The following GRIK1 variants were observed in gnomAD, a reference collection of about 807,000 sequenced individuals.
GRIK1 encodes glutamate receptor ionotropic, kainate 1.
In GRIK1, 69 loss-of-function variants were observed where a neutral mutation model predicts 105.7. That is an observed-to-expected ratio of 0.65 (90% CI 0.54 to 0.80). GRIK1 has a LOEUF of 0.80. Among genes scored for constraint, GRIK1 ranks in the 30% least tolerant of loss-of-function variants. GRIK1 has a pLI of 0.00. For synonymous variants in GRIK1, 438 were observed against 431.3 expected (o/e 1.02, Z -0.19); for missense variants, 1,109 against 1,167.3 (o/e 0.95, Z 0.73).
intron 1 of GRIK1, among the ~76,000 whole-genome samples, chr21:29,723,126 G>C (rs1285934568): frequency 3.9e-5 from 6 of 152,164 alleles, no homozygotes; most frequent in Non-Finnish European, 7.4e-5. Flanking sequence ...ACCAGCCTGG[G>C]CAACACAGGG....
At chr21:29,544,485 C>CT (rs753549542) in intron 16 of GRIK1, among the ~76,000 whole-genome samples, 27 of 152,104 alleles carry the variant, frequency 1.8e-4, no homozygotes, top group Non-Finnish European at 3.5e-4. Context: ...ACTCTGTGTG[C>CT]TTTTTTCCAG....
chr21:29,848,047 AG>A (rs201782604), intron 1 of GRIK1, among the ~76,000 whole-genome samples: 1,982 of 140,596 alleles, frequency 0.014, 39 homozygotes, highest in African/African-American at 0.047. Context: ...GTTAAACGTA[AG>A]TTATTATTAT....
At chr21:29,660,706 C>G (rs1417189887) in intron 4 of GRIK1, among the ~76,000 whole-genome samples, 1 of 152,142 alleles carries the variant, frequency 6.6e-6, no homozygotes, top group Non-Finnish European at 1.5e-5. Flanking sequence ...AAATAGGTAT[C>G]TTGGAAGTTT....
chr21:29,857,955 G>A lies in GRIK1; in HGVS notation c.118+81428C>T, dbSNP rs138235156. Among the ~76,000 whole-genome samples, 214 of 152,130 alleles carry A rather than the reference G, an allele frequency of 1.4e-3. 1 individual carries two copies. The highest frequency in any genetic ancestry group is 5.1e-3 in the African/African-American group (210 of 41,508). On this transcript the variant is annotated intron_variant, in intron 1 of 17. Coordinates refer to ENST00000327783, the MANE Select transcript of GRIK1 (RefSeq NM_001330994.2). ...TGCTCTGTTGCCCAGTCTGGAGTGC[G>A]GTGTCACGATCTTGGCTCACTGCAG...
intron 14 of GRIK1, 86 bp from the exon 15 acceptor site, chr21:29,561,935 A>G: frequency 1.4e-6 from 1 of 737,446 alleles, no homozygotes; most frequent in Non-Finnish European, 2.4e-6. Context: ...TGGTTCAAAT[A>G]ATGATAGGGA....
chr21:29,626,126 G>T (rs1243019213), intron 7 of GRIK1, among the ~76,000 whole-genome samples: 2 of 152,122 alleles, frequency 1.3e-5, no homozygotes, highest in African/African-American at 4.8e-5. Flanking sequence ...TTTATCACAG[G>T]CTTGGAGGCT....
chr21:29,558,074 T>C (rs2090300558), intron 15 of GRIK1, among the ~76,000 whole-genome samples: 1 of 152,162 alleles, frequency 6.6e-6, no homozygotes, highest in African/African-American at 2.4e-5. Context: ...TTAAATGCTC[T>C]TATTCTCTCA....
Position 29,739,505 on chromosome 21 carries a change from C to T in GRIK1, c.119-45442G>A, listed in dbSNP as rs140875797. ...AAAGGCAGTGTAGAATTGAAGAAGT[C>T]TAGGGAGAGATAAGACCAAGCCAGG... On this transcript the variant is annotated intron_variant, in intron 1 of 17. Coordinates refer to ENST00000327783, the MANE Select transcript of GRIK1 (RefSeq NM_001330994.2). Among the ~76,000 whole-genome samples, 84 of 152,214 alleles carry T rather than the reference C, an allele frequency of 5.5e-4. 1 individual carries two copies. The East Asian group carries it at 9.9e-3, about 18-fold the overall frequency.
chr21:29,873,328 C>A (rs575062961), intron 1 of GRIK1, among the ~76,000 whole-genome samples: 5 of 152,262 alleles, frequency 3.3e-5, no homozygotes, highest in Non-Finnish European at 5.9e-5. Flanking sequence ...TCCTGGAACC[C>A]CACATAAAAG....
At chr21:29,916,298 C>T (rs457872) in intron 1 of GRIK1, among the ~76,000 whole-genome samples, 35,260 of 151,510 alleles carry the variant, frequency 0.23, 4,845 homozygotes, top group African/African-American at 0.38. Flanking sequence ...CACCCCTGGG[C>T]ACAGAATAGA....
intron 1 of GRIK1, among the ~76,000 whole-genome samples, chr21:29,854,143 G>T (rs1177771665): frequency 6.6e-6 from 1 of 152,164 alleles, no homozygotes; most frequent in Non-Finnish European, 1.5e-5. Flanking sequence ...GTCTCAGGGA[G>T]CTTCCACTTG....
intron 1 of GRIK1, among the ~76,000 whole-genome samples, chr21:29,871,543 G>T (rs574980285): frequency 1.3e-5 from 2 of 152,182 alleles, no homozygotes; most frequent in South Asian, 4.1e-4. Flanking sequence ...GAAAGATCTG[G>T]TCTCTACCAC....
At chr21:29,919,474 C>T (rs1177648408) in intron 1 of GRIK1, among the ~76,000 whole-genome samples, 12 of 152,156 alleles carry the variant, frequency 7.9e-5, no homozygotes, top group Non-Finnish European at 1.5e-4. Flanking sequence ...GAGTGAATCT[C>T]AGGGCGGTTC....
At chr21:29,896,822 G>T (rs1052881813) in intron 1 of GRIK1, among the ~76,000 whole-genome samples, 1 of 152,170 alleles carries the variant, frequency 6.6e-6, no homozygotes, top group African/African-American at 2.4e-5. Context: ...CTGGAGAGAG[G>T]CTGGAAGCAG....
intron 1 of GRIK1, among the ~76,000 whole-genome samples, chr21:29,875,730 T>C (rs1171979360): frequency 6.6e-6 from 1 of 152,220 alleles, no homozygotes; most frequent in Non-Finnish European, 1.5e-5. Flanking sequence ...GTAGTAATTA[T>C]GATGTACTCT....
Position 29,694,060 on chromosome 21 carries a change from C to A in GRIK1, c.122G>T (p.Gly41Val). 6.2e-7 allele frequency: 1 copy of A among 1,610,350 alleles called. No homozygotes were observed. ...CTCATTTTCCACTGTTTCAAAAATC[C>A]CTCCTGCAGAAGCAAAAGAGATGCA... is the stretch of plus-strand genomic sequence containing the variant. The part of the protein sequence containing the change: ...QTAPQVLRIG[G>V]IFETVENEPV... The change falls in exon 2 of 18, where the codon GGG becomes GTG. Residue 41 changes from glycine (G) to valine (V), a missense_variant. Around this residue, in one of 5 missense-constraint regions of GRIK1, gnomAD observed 612 missense variants for 586.0 expected, o/e 1.04. Coordinates refer to ENST00000327783, the MANE Select transcript of GRIK1 (RefSeq NM_001330994.2).
chr21:29,810,348 C>T (rs1183091697), intron 1 of GRIK1, among the ~76,000 whole-genome samples: 2 of 151,472 alleles, frequency 1.3e-5, no homozygotes, highest in Non-Finnish European at 2.9e-5. Context: ...CCGTAACAAA[C>T]TGAAATATTT....
At chr21:29,868,691 T>A (rs535382776) in intron 1 of GRIK1, among the ~76,000 whole-genome samples, 1 of 152,330 alleles carries the variant, frequency 6.6e-6, no homozygotes, top group African/African-American at 2.4e-5. Flanking sequence ...CTTTCTTTTT[T>A]CTTCACTTTG....
intron 7 of GRIK1, among the ~76,000 whole-genome samples, chr21:29,609,965 C>T (rs1815215988): frequency 6.6e-6 from 1 of 152,104 alleles, no homozygotes; most frequent in African/African-American, 2.4e-5. Flanking sequence ...TAATACAGAT[C>T]TTATTTAATC....
Sources: allele counts gnomAD v4.1 joint callset (sites outside exome capture counted in the v4.1 genomes callset), GRCh38; gene constraint gnomAD v4.1.1; regional missense constraint gnomAD v4.1.1; transcripts MANE v1.5; gene names NCBI Gene and HGNC (gene_info 2026-07-23, HGNC 2026-07-21).